RSU1: variants seen among roughly 807,000 people sequenced by gnomAD.
RSU1 encodes the protein rsu-1.
In RSU1, 26 loss-of-function variants were observed where a neutral mutation model predicts 31.1. That is an observed-to-expected ratio of 0.84 (90% CI 0.61 to 1.16). The LOEUF is 1.16. RSU1 is among the 50% of genes most tolerant of loss of function. The probability of loss-of-function intolerance (pLI) is 0.00; values close to 1 mark genes in which losing one functional copy is unlikely to be tolerated. For synonymous variants in RSU1, 164 were observed against 136.3 expected, an observed-to-expected ratio of 1.20 and a Z score of -1.41; for missense variants, 320 against 339.1, an observed-to-expected ratio of 0.94 and a Z score of 0.44.
At chr10:16,645,084 A>G (rs1834511481) in intron 8 of RSU1, among the ~76,000 whole-genome samples, 1 of 152,240 alleles carries the variant, frequency 6.6e-6, no homozygotes, top group Non-Finnish European at 1.5e-5. Context: ...AGATACAAAT[A>G]TATTTTTCCT....
At chr10:16,783,273 A>C (rs139726613) in intron 2 of RSU1, among the ~76,000 whole-genome samples, 2 of 152,032 alleles carry the variant, frequency 1.3e-5, no homozygotes, top group Non-Finnish European at 2.9e-5. Context: ...TAAACGGATA[A>C]GATAAAAATT....
intron 2 of RSU1, among the ~76,000 whole-genome samples, chr10:16,795,411 TAATGCTTACCA>T (rs1426601080): frequency 6.7e-6 from 1 of 148,858 alleles, no homozygotes; most frequent in Non-Finnish European, 1.5e-5. Flanking sequence ...CAACAATAGC[TAATGCTTACCA>T]AATGCTTAAA....
rs1833521931 is a variant in RSU1 at position 16,592,385 on chromosome 10, A to C, written c.*1009T>G. On this transcript the variant is annotated 3_prime_UTR_variant, in exon 9 of 9. Coordinates refer to ENST00000345264, the MANE Select transcript of RSU1 (RefSeq NM_012425.4). ...TTCGTAGGTATCACTGTTGAAAAGA[A>C]GGAAAGCTGCCTATCACAGATGTTA... 1 of 152,236 alleles carries C rather than the reference A, an allele frequency of 6.6e-6. No homozygotes were observed. The highest frequency in any genetic ancestry group is 1.5e-5 in the Non-Finnish European group (1 of 68,052). The allele number at this position is 152,236 out of a possible 1,614,324, so 9.4% of individuals were successfully genotyped here.
chr10:16,625,979 G>T (rs1211965936), intron 8 of RSU1, among the ~76,000 whole-genome samples: 1 of 152,140 alleles, frequency 6.6e-6, no homozygotes, highest in Non-Finnish European at 1.5e-5. Flanking sequence ...AAACACTGGG[G>T]CATGGTATTA....
At chr10:16,728,205 G>C (rs1227202801) in intron 7 of RSU1, among the ~76,000 whole-genome samples, 7 of 152,122 alleles carry the variant, frequency 4.6e-5, no homozygotes, top group African/African-American at 2.4e-5. Flanking sequence ...ATTTACTCCT[G>C]TTACAACAGC....
intron 8 of RSU1, among the ~76,000 whole-genome samples, chr10:16,615,481 C>G (rs143167644): frequency 6.6e-6 from 1 of 151,900 alleles, no homozygotes; most frequent in Non-Finnish European, 1.5e-5. Flanking sequence ...TCAACAAGAC[C>G]GAAAATTAAG....
In RSU1 at chr10:16,639,821, C is replaced by T. The variant is rs554888641; in HGVS notation, c.732-46325G>A. On this transcript the variant is annotated intron_variant, in intron 8 of 8. Transcript: ENST00000345264. ...ATCTGTCTGTGCCTGGAAATATTTA[C>T]AGCAACACCGCAATTCAAGCGGACA... 7.9e-5 allele frequency among the ~76,000 whole-genome samples: 12 copies of T among 152,288 alleles called. No homozygotes were observed. The South Asian group carries it at 2.5e-3, about 32-fold the overall frequency.
At chr10:16,772,641 G>GAAAAAAAAAAAAAAAAAAAAAAA (rs60460081) in intron 3 of RSU1, among the ~76,000 whole-genome samples, 8 of 64,760 alleles carry the variant, frequency 1.2e-4, no homozygotes, top group East Asian at 4.9e-4. Context: ...AGTAGAATAT[G>GAAAAAAAAAAAAAAAAAAAAAAA]AAAAAAAAAA....
intron 8 of RSU1, among the ~76,000 whole-genome samples, chr10:16,662,095 G>A (rs118056005): frequency 1.4e-3 from 216 of 152,288 alleles, no homozygotes; most frequent in Non-Finnish European, 2.5e-3. Context: ...GTTAAAATTA[G>A]TTGACCATAC....
chr10:16,761,674 G>A (rs6602154), intron 4 of RSU1, among the ~76,000 whole-genome samples: 15,646 of 151,946 alleles, frequency 0.1, 2,624 homozygotes, highest in African/African-American at 0.35. Context: ...GGCTAACACC[G>A]CAAAATCCCA....
At chr10:16,719,009 G>C (rs1054087271) in intron 7 of RSU1, among the ~76,000 whole-genome samples, 1 of 151,278 alleles carries the variant, frequency 6.6e-6, no homozygotes, top group African/African-American at 2.4e-5. Flanking sequence ...AATTATGTTG[G>C]CTGGGCGTAA....
At chr10:16,699,578 G>C (rs777345350) in intron 7 of RSU1, among the ~76,000 whole-genome samples, 2 of 152,224 alleles carry the variant, frequency 1.3e-5, no homozygotes, top group Non-Finnish European at 1.5e-5. Flanking sequence ...TCAGTGCGTT[G>C]AGTTAGGAGC....
intron 8 of RSU1, among the ~76,000 whole-genome samples, chr10:16,646,020 GTGTATATATATGTGTATATACATATA>G (rs1834559790): frequency 6.6e-5 from 5 of 75,458 alleles, no homozygotes; most frequent in Non-Finnish European, 9.5e-5. Flanking sequence ...ATACATATAT[GTGTATATATATGTGTATATACATATA>G]TGTGTATATA....
chr10:16,664,644 T>C (rs901056362), intron 8 of RSU1, among the ~76,000 whole-genome samples: 14 of 152,220 alleles, frequency 9.2e-5, no homozygotes, highest in African/African-American at 3.1e-4. Flanking sequence ...CTACACTTTT[T>C]ACCTACGCAA....
intron 7 of RSU1, among the ~76,000 whole-genome samples, chr10:16,731,396 C>T (rs1588499875): frequency 6.7e-6 from 1 of 148,842 alleles, no homozygotes; most frequent in East Asian, 2.0e-4. Flanking sequence ...CACCACTGCA[C>T]TCGAGCCTGG....
intron 2 of RSU1, among the ~76,000 whole-genome samples, chr10:16,808,204 G>A (rs140551836): frequency 9.7e-4 from 147 of 151,250 alleles, no homozygotes; most frequent in African/African-American, 3.2e-3. Flanking sequence ...CCAACCGGGC[G>A]CAGTGGCTCA....
intron 8 of RSU1, among the ~76,000 whole-genome samples, chr10:16,656,718 T>TTA (rs887689784): frequency 2.0e-4 from 30 of 152,222 alleles, no homozygotes; most frequent in Non-Finnish European, 2.9e-5. Flanking sequence ...CAGAATCGGC[T>TTA]TATATATATT....
intron 8 of RSU1, among the ~76,000 whole-genome samples, chr10:16,594,789 A>T (rs11254102): frequency 0.045 from 6,139 of 136,912 alleles, 258 homozygotes; most frequent in African/African-American, 0.11. Flanking sequence ...ATATATATAT[A>T]TTTTTTTTTT....
At chr10:16,735,315 C>T (rs188520518) in intron 7 of RSU1, among the ~76,000 whole-genome samples, 33 of 152,254 alleles carry the variant, frequency 2.2e-4, no homozygotes, top group East Asian at 7.7e-4. Context: ...ATCCTAATAC[C>T]GCTATGTCTG....
Sources: allele counts gnomAD v4.1 joint callset (sites outside exome capture counted in the v4.1 genomes callset), GRCh38; gene constraint gnomAD v4.1.1; transcripts MANE v1.5; gene names NCBI Gene and HGNC (gene_info 2026-07-23, HGNC 2026-07-21).